The following GALNTL6 variants were observed in gnomAD, a reference collection of about 807,000 sequenced individuals.
The protein encoded by GALNTL6 is polypeptide N-acetylgalactosaminyltransferase like 6.
Under a neutral mutation model 73.7 loss-of-function variants are expected in GALNTL6, and 46 were observed. The observed-to-expected ratio is 0.62, with a 90% confidence interval of 0.49 to 0.80. The LOEUF is 0.80. GALNTL6 is among the 30% of genes least tolerant of loss of function. GALNTL6 has a pLI of 0.00. For synonymous variants in GALNTL6, 259 were observed against 263.7 expected (o/e 0.98, Z 0.17); for missense variants, 604 against 755.0 (o/e 0.80, Z 2.34).
At chr4:172,279,927 C>T (rs966867591) in intron 3 of GALNTL6, among the ~76,000 whole-genome samples, 2 of 152,138 alleles carry the variant, frequency 1.3e-5, no homozygotes, top group African/African-American at 4.8e-5. Context: ...TCACATGCTA[C>T]ATTATGGATA....
At chr4:172,332,830 T>A (rs960638833) in intron 4 of GALNTL6, among the ~76,000 whole-genome samples, 8 of 152,208 alleles carry the variant, frequency 5.3e-5, no homozygotes, top group Non-Finnish European at 1.0e-4. Context: ...GTTGTGGTAT[T>A]GTTAGATCAA....
At chr4:172,859,060 C>A (rs201895545) in intron 7 of GALNTL6, among the ~76,000 whole-genome samples, 67 of 113,792 alleles carry the variant, frequency 5.9e-4, no homozygotes, top group Non-Finnish European at 5.6e-4. Context: ...AAAAAAAAAA[C>A]AATGATAAAG....
intron 8 of GALNTL6, among the ~76,000 whole-genome samples, chr4:172,922,638 C>A (rs1006462691): frequency 1.3e-5 from 2 of 152,136 alleles, no homozygotes; most frequent in African/African-American, 4.8e-5. Flanking sequence ...TGTGAAGCAA[C>A]ACTAAATTAG....
intron 2 of GALNTL6, among the ~76,000 whole-genome samples, chr4:171,984,618 C>T (rs1305654242): frequency 6.6e-6 from 1 of 152,058 alleles, no homozygotes; most frequent in African/African-American, 2.4e-5. Flanking sequence ...AATCAACTTA[C>T]TTTGTAGGGA....
At chr4:172,526,024 T>A (rs907869010) in intron 5 of GALNTL6, among the ~76,000 whole-genome samples, 2 of 152,196 alleles carry the variant, frequency 1.3e-5, no homozygotes, top group African/African-American at 4.8e-5. Flanking sequence ...GGATCTCTAG[T>A]GCAATGATGA....
intron 5 of GALNTL6, among the ~76,000 whole-genome samples, chr4:172,702,891 A>G (rs938348351): frequency 6.6e-6 from 1 of 151,984 alleles, no homozygotes; most frequent in African/African-American, 2.4e-5. Context: ...TATTACTCGT[A>G]TAAAGACATG....
At chr4:172,793,878 A>G (rs1740125021) in intron 5 of GALNTL6, among the ~76,000 whole-genome samples, 2 of 150,898 alleles carry the variant, frequency 1.3e-5, no homozygotes, top group East Asian at 3.8e-4. Flanking sequence ...CAAATTAGCC[A>G]ACTTTCACTT....
chr4:172,440,034 C>T (rs1334740799), intron 5 of GALNTL6, among the ~76,000 whole-genome samples: 1 of 152,062 alleles, frequency 6.6e-6, no homozygotes, highest in African/African-American at 2.4e-5. Flanking sequence ...GCAACAGGAA[C>T]TCTCATTCAT....
intron 5 of GALNTL6, among the ~76,000 whole-genome samples, chr4:172,446,508 G>C (rs1030597574): frequency 6.6e-6 from 1 of 152,134 alleles, no homozygotes; most frequent in South Asian, 2.1e-4. Context: ...ACAGTGGGGT[G>C]GTTTTCTAGG....
chr4:173,028,374 TC>T (rs1483682247), intron 12 of GALNTL6, among the ~76,000 whole-genome samples: 1 of 152,186 alleles, frequency 6.6e-6, no homozygotes, highest in Non-Finnish European at 1.5e-5. Flanking sequence ...CCCGAGAGAT[TC>T]TAATAGACAG....
At chr4:172,031,050 A>G (rs960430065) in intron 2 of GALNTL6, among the ~76,000 whole-genome samples, 2 of 152,078 alleles carry the variant, frequency 1.3e-5, no homozygotes, top group Admixed American at 6.6e-5. Context: ...AAATGCAGGA[A>G]TCATCTCAAA....
At chr4:172,222,455 C>G (rs894883912) in intron 2 of GALNTL6, among the ~76,000 whole-genome samples, 1 of 151,864 alleles carries the variant, frequency 6.6e-6, no homozygotes, top group African/African-American at 2.4e-5. Flanking sequence ...AAATTTCACC[C>G]TGTAATTTGT....
At chr4:172,639,216 C>G (rs1022614365) in intron 5 of GALNTL6, among the ~76,000 whole-genome samples, 2 of 152,072 alleles carry the variant, frequency 1.3e-5, no homozygotes, top group Non-Finnish European at 2.9e-5. Flanking sequence ...ATGATTCTTG[C>G]CTGTAACAAT....
intron 2 of GALNTL6, among the ~76,000 whole-genome samples, chr4:172,170,415 A>C (rs1193614919): frequency 6.6e-6 from 1 of 151,650 alleles, no homozygotes; most frequent in Admixed American, 6.6e-5. Context: ...CATGATTGTA[A>C]GTTTCCTGAG....
At chr4:172,190,454 T>G (rs1735542484) in intron 2 of GALNTL6, among the ~76,000 whole-genome samples, 1 of 152,022 alleles carries the variant, frequency 6.6e-6, no homozygotes, top group African/African-American at 2.4e-5. Context: ...TAGAGGGATT[T>G]GAATTATGAG....
At chr4:171,984,995 CA>C (rs368531253) in intron 2 of GALNTL6, among the ~76,000 whole-genome samples, 273 of 136,060 alleles carry the variant, frequency 2.0e-3, no homozygotes, top group Middle Eastern at 3.8e-3. Flanking sequence ...TCAGCAAAAA[CA>C]AAAAAAAAAA....
intron 3 of GALNTL6, among the ~76,000 whole-genome samples, chr4:172,261,694 G>A (rs917483221): frequency 6.6e-6 from 1 of 151,116 alleles, no homozygotes; most frequent in Non-Finnish European, 1.5e-5. Context: ...ACCTTAGATT[G>A]TCTAATTATG....
At chr4:171,903,604 C>T (rs1256438130) in intron 2 of GALNTL6, among the ~76,000 whole-genome samples, 1 of 132,514 alleles carries the variant, frequency 7.5e-6, no homozygotes, top group African/African-American at 3.5e-5. Context: ...ATTAGGTAAA[C>T]AAAGCAGCCC....
chr4:172,528,317 AAAATATATATAT>A (rs1414940236), intron 5 of GALNTL6, among the ~76,000 whole-genome samples: 3 of 118,532 alleles, frequency 2.5e-5, no homozygotes, highest in African/African-American at 1.0e-4. Context: ...TGCTAGAAAT[AAAATATATATAT>A]ATATATATAT....
Sources: gnomAD v4.1 joint callset for allele counts (sites outside exome capture counted in the v4.1 genomes callset) on GRCh38, gnomAD v4.1.1 for gene constraint, MANE v1.5 for transcripts, NCBI Gene and HGNC (gene_info 2026-07-23, HGNC 2026-07-21) for gene names.